The following RELN variants were observed in gnomAD, a reference collection of about 807,000 sequenced individuals.
RELN encodes reelin.
A neutral mutation model predicts 427.6 loss-of-function variants in RELN; 108 were observed. The ratio of observed to expected loss-of-function variants is 0.25; its 90% confidence interval spans 0.22 to 0.30. The LOEUF (loss-of-function observed/expected upper bound fraction) is 0.30. Ranked by LOEUF, RELN falls within the 10% of genes least tolerant of loss-of-function variation. RELN has a pLI of 1.00. For missense variants in RELN, 3,715 were observed against 4,302.8 expected, an observed-to-expected ratio of 0.86 and a Z score of 3.82; for synonymous variants, 1,524 against 1,513.4, an observed-to-expected ratio of 1.01 and a Z score of -0.16.
chr7:103,754,382 G>A (rs1791080266), intron 4 of RELN, among the ~76,000 whole-genome samples: 1 of 151,882 alleles, frequency 6.6e-6, no homozygotes, highest in Non-Finnish European at 1.5e-5. Context: ...CTACAGCTAG[G>A]AGGGACATTT....
chr7:103,818,385 CTG>C (rs1449484288), intron 3 of RELN, among the ~76,000 whole-genome samples: 5 of 152,108 alleles, frequency 3.3e-5, no homozygotes, highest in Admixed American at 3.3e-4. Flanking sequence ...AATGTGATGA[CTG>C]AGTAATCAGA....
At chr7:103,838,747 T>C (rs1405988533) in intron 2 of RELN, among the ~76,000 whole-genome samples, 1 of 152,190 alleles carries the variant, frequency 6.6e-6, no homozygotes, top group Non-Finnish European at 1.5e-5. Context: ...TATAGAGCCT[T>C]AATAACAGGA....
intron 10 of RELN, among the ~76,000 whole-genome samples, chr7:103,682,494 G>A (rs927549786): frequency 6.6e-6 from 1 of 152,086 alleles, no homozygotes; most frequent in Non-Finnish European, 1.5e-5. Context: ...TTTGAGCTTT[G>A]CCATCTCTGT....
At chr7:103,689,233 C>T (rs1304336031) in intron 10 of RELN, among the ~76,000 whole-genome samples, 1 of 151,904 alleles carries the variant, frequency 6.6e-6, no homozygotes, top group Non-Finnish European at 1.5e-5. Context: ...TCTTTGCTAT[C>T]CACACAATGA....
intron 48 of RELN, among the ~76,000 whole-genome samples, chr7:103,520,436 C>A (rs906983977): frequency 6.6e-6 from 1 of 151,926 alleles, no homozygotes; most frequent in East Asian, 1.9e-4. Flanking sequence ...CTACCACACC[C>A]GGCTAATTTT....
intron 4 of RELN, among the ~76,000 whole-genome samples, chr7:103,755,491 C>T (rs1791114448): frequency 1.3e-5 from 2 of 151,818 alleles, no homozygotes; most frequent in Non-Finnish European, 2.9e-5. Context: ...GCCTGTAGTC[C>T]CAGCTGCTCA....
intron 19 of RELN, among the ~76,000 whole-genome samples, chr7:103,634,354 C>T (rs1426028316): frequency 6.6e-6 from 1 of 152,094 alleles, no homozygotes; most frequent in Admixed American, 6.6e-5. Flanking sequence ...TAACTTTAAA[C>T]CTTAATTTTA....
chr7:103,668,102 C>A (rs1407282511), intron 11 of RELN, among the ~76,000 whole-genome samples: 4 of 151,998 alleles, frequency 2.6e-5, no homozygotes, highest in Non-Finnish European at 5.9e-5. Flanking sequence ...TGGTGGTGCA[C>A]ACCTATAATC....
intron 3 of RELN, among the ~76,000 whole-genome samples, chr7:103,800,701 A>C (rs1244652403): frequency 4.6e-5 from 7 of 152,238 alleles, no homozygotes; most frequent in Non-Finnish European, 8.8e-5. Context: ...CACCAAAAGC[A>C]ATGGCAACAA....
rs1427231637 is a variant in RELN, at chr7:103,626,366, T to C, written c.2702+3574A>G. Among the ~76,000 whole-genome samples the C allele has an allele frequency of 1.3e-5, 2 of 152,094 alleles. No individual in the cohort carries two copies. Among genetic ancestry groups the C allele is most frequent in the Non-Finnish European group, 2.9e-5 (2 of 67,994 alleles). ...CTCAATTGTACACTTATATATTTATTTAGAGACAGAGTCTTGCTCTGTCAC... is the reference window on the plus strand; with the variant it reads ...CTCAATTGTACACTTATATATTTATCTAGAGACAGAGTCTTGCTCTGTCAC... On this transcript the variant is annotated intron_variant, in intron 20 of 64. Transcript: ENST00000428762. The surrounding 1 kb of genome is among the most constrained non-coding windows in gnomAD (Gnocchi z 4.4).
chr7:103,896,516 T>C (rs1794963848), intron 2 of RELN, among the ~76,000 whole-genome samples: 2 of 151,988 alleles, frequency 1.3e-5, no homozygotes, highest in African/African-American at 4.8e-5. Flanking sequence ...ACATACTGAA[T>C]GGCTGTATTT....
intron 2 of RELN, among the ~76,000 whole-genome samples, chr7:103,848,584 C>T (rs1793737178): frequency 6.6e-6 from 1 of 152,074 alleles, no homozygotes; most frequent in South Asian, 2.1e-4. Context: ...ATACTGGGTC[C>T]CCAGGTCACA....
chr7:103,747,590 A>T (rs1246828822), intron 6 of RELN, among the ~76,000 whole-genome samples: 1 of 151,010 alleles, frequency 6.6e-6, no homozygotes, highest in Non-Finnish European at 1.5e-5. Flanking sequence ...CCTTTTGTTT[A>T]ACAGAACAGT....
At chr7:103,624,767 G>A (rs1353318236) in intron 20 of RELN, among the ~76,000 whole-genome samples, 1 of 151,758 alleles carries the variant, frequency 6.6e-6, no homozygotes, top group African/African-American at 2.4e-5. Flanking sequence ...CTTTTTTCAT[G>A]TTGCTCTTTT....
intron 12 of RELN, among the ~76,000 whole-genome samples, chr7:103,658,505 C>G (rs10480650): frequency 0.036 from 5,512 of 151,986 alleles, 347 homozygotes; most frequent in African/African-American, 0.13. Context: ...CACCATATTC[C>G]ATCCTACCAT....
intron 55 of RELN, among the ~76,000 whole-genome samples, chr7:103,497,143 A>G (rs1828867096): frequency 6.6e-6 from 1 of 152,146 alleles, no homozygotes; most frequent in Non-Finnish European, 1.5e-5. Flanking sequence ...TATGCAATTT[A>G]ATTATTTGGA....
chr7:103,975,106 T>A (rs1796843793), intron 1 of RELN, among the ~76,000 whole-genome samples: 1 of 152,242 alleles, frequency 6.6e-6, no homozygotes, highest in Admixed American at 6.5e-5. Context: ...GACTTTCTTT[T>A]CAAACATTGT....
At position 103,498,256 on chromosome 7, in the gene RELN, GAAATA is replaced by G. The variant is rs756964380; in HGVS notation, c.8668-9_8668-5del. ...CAAAGCGTTCCTTCAGGAAAGTCTGGAAATAAAATAAGCCAGATGTGGTTAAAAAA... is the reference window on the plus strand; with the variant it reads ...CAAAGCGTTCCTTCAGGAAAGTCTGGAAATAAGCCAGATGTGGTTAAAAAA... On this transcript the variant is annotated splice_region_variant and splice_polypyrimidine_tract_variant and intron_variant, in intron 53 of 64. Transcript: ENST00000428762. The G allele has an allele frequency of 1.2e-5, 20 of 1,613,028 alleles. No individual in the cohort carries two copies. The highest frequency in any genetic ancestry group is 1.7e-5 in the Admixed American group (1 of 59,876).
chr7:103,782,135 TA>T (rs1251265010), intron 3 of RELN, among the ~76,000 whole-genome samples: 3 of 152,148 alleles, frequency 2.0e-5, no homozygotes, highest in Non-Finnish European at 1.5e-5. Flanking sequence ...CCTAACATTT[TA>T]AAAGCTCTAT....
Sources: allele counts gnomAD v4.1 joint callset (sites outside exome capture counted in the v4.1 genomes callset), GRCh38; gene constraint gnomAD v4.1.1; non-coding constraint Gnocchi (gnomAD v3.1); transcripts MANE v1.5; gene names NCBI Gene and HGNC (gene_info 2026-07-23, HGNC 2026-07-21).